Variants in PLA2G4D observed in about 807,000 individuals in gnomAD.
PLA2G4D encodes the protein cytosolic phospholipase A2 delta.
A neutral mutation model predicts 94.4 loss-of-function variants in PLA2G4D; 80 were observed. The ratio of observed to expected loss-of-function variants is 0.85; its 90% CI spans 0.71 to 1.02. The LOEUF (loss-of-function observed/expected upper bound fraction) is 1.02. Among genes scored for constraint, PLA2G4D ranks in the 50% least tolerant of loss-of-function variants. The pLI, the probability that PLA2G4D is intolerant of heterozygous loss-of-function variation, is 0.00. For synonymous variants in PLA2G4D, 438 were observed against 440.9 expected (o/e 0.99, Z 0.08); for missense variants, 1,050 against 1,034.7 (o/e 1.01, Z -0.20).
chr15:42,074,564 T>A (rs187857040), intron 13 of PLA2G4D, among the ~76,000 whole-genome samples: 88 of 152,316 alleles, frequency 5.8e-4, no homozygotes, highest in African/African-American at 2.1e-3. Context: ...ACGAGCGGGT[T>A]TTTATAAAAA....
chr15:42,083,345 A>T lies in PLA2G4D; in HGVS notation c.536-11T>A, dbSNP rs1217908897. On this transcript the variant is annotated splice_polypyrimidine_tract_variant and intron_variant, in intron 7 of 19. Coordinates refer to ENST00000290472, the MANE Select transcript of PLA2G4D (RefSeq NM_178034.4). ...CCAGCTTGTCCTGATCTAGGGAGAG[A>T]GTAGGCGGGTTAGCATGAGAACAAG... 3 of 1,609,200 alleles carry T rather than the reference A, an allele frequency of 1.9e-6. No individual in the cohort carries two copies. Among genetic ancestry groups the T allele is most frequent in the Non-Finnish European group, 2.5e-6 (3 of 1,178,352 alleles).
chr15:42,083,639 C>T (rs181189070), intron 7 of PLA2G4D, 77 bp downstream of exon 7: 1 of 1,550,380 alleles, frequency 6.5e-7, no homozygotes, highest in Non-Finnish European at 8.9e-7. Flanking sequence ...GGCCTCCTGC[C>T]CTGCGCAGGC....
intron 1 of PLA2G4D, among the ~76,000 whole-genome samples, chr15:42,092,363 G>T (rs1315327821): frequency 6.6e-6 from 1 of 152,098 alleles, no homozygotes; most frequent in East Asian, 1.9e-4. Context: ...CTTTGGAAAA[G>T]CATGCAACTC....
rs1889733002 is a variant in PLA2G4D at position 42,068,701 on chromosome 15, G to A, written c.*14C>T. 1 of 1,592,722 alleles carries A rather than the reference G, an allele frequency of 6.3e-7. No individual in the cohort carries two copies. Among genetic ancestry groups the A allele is most frequent in the South Asian group, 1.1e-5 (1 of 88,264 alleles). ...CCCGCAGGCCCTGGAGGGTCCTGCA[G>A]CCTCTGAGCAACCTCAGGTCTGTGC... On this transcript the variant is annotated 3_prime_UTR_variant, in exon 20 of 20. Coordinates refer to ENST00000290472, the MANE Select transcript of PLA2G4D (RefSeq NM_178034.4).
At chr15:42,070,965 T>C (rs76192742) in intron 17 of PLA2G4D, 82 bp from the exon 18 acceptor site, 153,923 of 1,534,258 alleles carry the variant, frequency 0.1, 8,773 homozygotes, top group Non-Finnish European at 0.12. Context: ...GGGTCACTCC[T>C]TAAATGCCAC....
rs763762509 is a variant in PLA2G4D at position 42,087,665 on chromosome 15, C to A, written c.81G>T (p.Arg27Ser). The change falls in exon 2 of 20, where the codon AGG (arginine) becomes AGT (serine). Residue 27 changes from arginine to serine, a missense_variant. Physicochemically the swap from Arg to Ser is moderately radical, Grantham distance 110. Transcript: ENST00000290472. ...AGCGCAGGTTCCGCGCCTCCAGGAC[C>A]CTCACTGTGAGCTGCCAGCAGGTAG... ...EASTCWQLTV[R>S]VLEARNLRWA... 3.1e-6 allele frequency: 5 copies of A among 1,614,048 alleles called. No homozygotes were observed. Among genetic ancestry groups the A allele is most frequent in the South Asian group, 1.1e-5 (1 of 91,084 alleles).
At chr15:42,070,214 G>T in intron 18 of PLA2G4D, 119 bp from the exon 19 acceptor site, 2 of 1,057,936 alleles carry the variant, frequency 1.9e-6, no homozygotes, top group Non-Finnish European at 1.3e-6. Context: ...TCCTGTTTGT[G>T]GTCGGGCCAA....
chr15:42,086,189 G>T (rs1566865235), intron 4 of PLA2G4D, 24 bp downstream of exon 4: 3 of 1,434,442 alleles, frequency 2.1e-6, no homozygotes, highest in Non-Finnish European at 2.8e-6. Context: ...GGGCCCACGG[G>T]GACTTCCCCA....
In PLA2G4D at chr15:42,071,158, T is replaced by C. The variant is rs780863436; in HGVS notation, c.1841A>G (p.Asp614Gly). Residue 614 changes from aspartate (D) to glycine (G), a missense_variant, in exon 17 of 20, where the codon GAC (aspartate) becomes GGC (glycine). Transcript: ENST00000290472. ...NFLQGLQLHQ[D>G]YCSHKDFSTW... Reference sequence around the variant, plus strand: ...GGAGAAGTCTTTGTGGCTACAGTAGTCCTGGTGCAGCTGGAGGCCCTGGAG... The same window carrying C: ...GGAGAAGTCTTTGTGGCTACAGTAGCCCTGGTGCAGCTGGAGGCCCTGGAG... 6.2e-7 allele frequency: 1 copy of C among 1,612,724 alleles called. No homozygotes were observed. Among genetic ancestry groups the C allele is most frequent in the African/African-American group, 1.3e-5 (1 of 74,746 alleles).
intron 4 of PLA2G4D, 29 bp downstream of exon 4, chr15:42,086,184 C>G: frequency 6.7e-7 from 1 of 1,487,764 alleles, no homozygotes; most frequent in Non-Finnish European, 9.1e-7. Context: ...AAGTGGGGCC[C>G]ACGGGGACTT....
chr15:42,068,561 G>C lies in PLA2G4D; in HGVS notation c.*154C>G. 1.5e-6 allele frequency: 1 copy of C among 661,120 alleles called. No homozygotes were observed. Among genetic ancestry groups the C allele is most frequent in the Non-Finnish European group, 2.6e-6 (1 of 391,074 alleles). 41.0% of individuals were successfully genotyped at this position (661,120 alleles called of 1,614,324 possible). On this transcript the variant is annotated 3_prime_UTR_variant, in exon 20 of 20. Transcript: ENST00000290472. ...CCATGAACGTAAGAGAGAAGTCTGTGTGTGCAGTTCCCTCTGGGCAGTGAG... is the reference window on the plus strand; with the variant it reads ...CCATGAACGTAAGAGAGAAGTCTGTCTGTGCAGTTCCCTCTGGGCAGTGAG...
chr15:42,070,294 T>A, intron 18 of PLA2G4D, 199 bp from the exon 19 acceptor site: 3 of 565,620 alleles, frequency 5.3e-6, no homozygotes, highest in Non-Finnish European at 8.9e-6. Flanking sequence ...TGTTGTTTGG[T>A]TAAAAGCTCT....
chr15:42,068,594 AC>A lies in PLA2G4D; in HGVS notation c.*120del, dbSNP rs1889729669. ...TTCCCTCTGGGCAGTGAGACCAGCTACAGAGGCCACCCAGGCCTGGGAGAGC... is the reference window on the plus strand; with the variant it reads ...TTCCCTCTGGGCAGTGAGACCAGCTAAGAGGCCACCCAGGCCTGGGAGAGC... On this transcript the variant is annotated 3_prime_UTR_variant, in exon 20 of 20. Coordinates refer to ENST00000290472, the MANE Select transcript of PLA2G4D (RefSeq NM_178034.4). 1.1e-6 allele frequency: 1 copy of A among 893,950 alleles called. No individual in the cohort carries two copies. The highest frequency in any genetic ancestry group is 1.7e-6 in the Non-Finnish European group (1 of 596,174). 55.4% of individuals were successfully genotyped at this position (893,950 alleles called of 1,614,324 possible). A position where few individuals can be genotyped will look rare whatever the true frequency, so the allele number is the denominator to read the frequency against.
intron 11 of PLA2G4D, 31 bp downstream of exon 11, chr15:42,081,448 T>C: frequency 1.2e-6 from 2 of 1,606,356 alleles, no homozygotes; most frequent in South Asian, 2.2e-5. Context: ...GTCCAGGATA[T>C]CTGCACACAC....
chr15:42,073,510 C>T (rs1889865991), intron 13 of PLA2G4D, among the ~76,000 whole-genome samples: 1 of 152,232 alleles, frequency 6.6e-6, no homozygotes, highest in Non-Finnish European at 1.5e-5. Flanking sequence ...TTGATGCTGT[C>T]AGCCCTGGGC....
At position 42,084,984 on chromosome 15, in the gene PLA2G4D, C is replaced by A; in HGVS notation, c.471+112G>T. 3.1e-6 allele frequency: 4 copies of A among 1,289,490 alleles called. No homozygotes were observed. The highest frequency in any genetic ancestry group is 4.4e-6 in the Non-Finnish European group (4 of 905,320). 79.9% of individuals were successfully genotyped at this position (1,289,490 alleles called of 1,614,324 possible). Reference sequence around the variant, plus strand: ...GCTGGAAGGCTAGGGGTGGTTTTACCACGAAGCCCTGCCCCTTCCTTGTCC... The same window carrying A: ...GCTGGAAGGCTAGGGGTGGTTTTACAACGAAGCCCTGCCCCTTCCTTGTCC... On this transcript the variant is annotated intron_variant, in intron 6 of 19. Transcript: ENST00000290472. The surrounding 1 kb of genome is among the most constrained non-coding windows in gnomAD (Gnocchi z 4.8).
Position 42,081,064 on chromosome 15 carries a change from A to G in PLA2G4D, c.1027T>C (p.Leu343=), listed in dbSNP as rs530965678. The part of the protein sequence containing the change: ...RAMTSLYGHL[L]ALQKLGLLDC... ...AGGAGGCCCAGCTTCTGCAAGGCCA[A>G]TAGGTGGCCGTAGAGTGAGGTCATG... The change falls in exon 12 of 20, where the codon TTG becomes CTG. Residue 343 remains leucine, a synonymous_variant. Transcript: ENST00000290472. 3 of 1,614,148 alleles carry G rather than the reference A, an allele frequency of 1.9e-6. No individual in the cohort carries two copies. The African/African-American group carries it at 4.0e-5, about 22-fold the overall frequency.
In PLA2G4D at chr15:42,084,756, C is replaced by A. The variant is rs955260195; in HGVS notation, c.471+340G>T. ...ACAACCGGAAGGTGGGCCTGGCCTA[C>A]CTGATTTCTTCACCGCTTCCCAGGG... On this transcript the variant is annotated intron_variant, in intron 6 of 19. Coordinates refer to ENST00000290472, the MANE Select transcript of PLA2G4D (RefSeq NM_178034.4). The surrounding 1 kb of genome is among the most constrained non-coding windows in gnomAD (Gnocchi z 4.8). 6.6e-6 allele frequency among the ~76,000 whole-genome samples: 1 copy of A among 152,198 alleles called. No homozygotes were observed. Among genetic ancestry groups the A allele is most frequent in the African/African-American group, 2.4e-5 (1 of 41,450 alleles).
At position 42,068,752 on chromosome 15, in the gene PLA2G4D, C is replaced by G. The variant is rs750051; in HGVS notation, c.2420G>C (p.Arg807Pro). The stretch of plus-strand genomic sequence containing the variant: ...CCTTGGAGGCCTCGCCTCTAGAGTC[C>G]GGTGCTTCAGCGCGGTCCTCAGGGC... The part of the protein sequence containing the change: ...LQALRTALKH[R>P]TLEARPPRAQ... The change falls in exon 20 of 20, where the codon CGG (arginine) becomes CCG (proline). Residue 807 changes from arginine to proline, a missense_variant. Arg to Pro is a moderately radical substitution (Grantham distance 103). Transcript: ENST00000290472. The G allele has an allele frequency of 5.6e-6, 9 of 1,610,960 alleles. No individual in the cohort carries two copies. The highest frequency in any genetic ancestry group is 7.6e-6 in the Non-Finnish European group (9 of 1,178,550).
Sources: gnomAD v4.1 joint callset for allele counts (sites outside exome capture counted in the v4.1 genomes callset) on GRCh38, gnomAD v4.1.1 for gene constraint, Gnocchi (gnomAD v3.1) non-coding constraint, MANE v1.5 for transcripts, NCBI Gene and HGNC (gene_info 2026-07-23, HGNC 2026-07-21) for gene names.